DCC: variants seen among roughly 807,000 people sequenced by gnomAD.
DCC encodes netrin receptor DCC.
A neutral mutation model predicts 172.5 loss-of-function variants in DCC; 58 were observed. That is an observed-to-expected ratio of 0.34 (90% CI 0.27 to 0.42). DCC has a LOEUF of 0.42. Ranked by LOEUF, DCC falls within the 10% of genes least tolerant of loss-of-function variation. The probability of loss-of-function intolerance (pLI) is 1.00; values close to 1 mark genes in which losing one functional copy is unlikely to be tolerated. For missense variants in DCC, 1,740 were observed against 1,791.0 expected (o/e 0.97, Z 0.51); for synonymous variants, 709 against 644.5 (o/e 1.10, Z -1.52).
intron 7 of DCC, among the ~76,000 whole-genome samples, chr18:53,137,588 T>C (rs1390404606): frequency 6.6e-6 from 1 of 152,194 alleles, no homozygotes; most frequent in South Asian, 2.1e-4. Context: ...TTTATAAATT[T>C]TGCTATATTG....
chr18:52,352,923 T>C (rs375917872), intron 1 of DCC, among the ~76,000 whole-genome samples: 7 of 152,296 alleles, frequency 4.6e-5, no homozygotes, highest in African/African-American at 1.7e-4. Flanking sequence ...CACCCAGACA[T>C]ACTCAATTAG....
chr18:52,789,064 C>G (rs1197993273), intron 2 of DCC, among the ~76,000 whole-genome samples: 1 of 152,090 alleles, frequency 6.6e-6, no homozygotes, highest in African/African-American at 2.4e-5. Flanking sequence ...CCTTCCGTAA[C>G]TACGATTAGA....
intron 2 of DCC, among the ~76,000 whole-genome samples, chr18:52,802,820 C>T (rs938674341): frequency 6.6e-6 from 1 of 151,346 alleles, no homozygotes; most frequent in Non-Finnish European, 1.5e-5. Flanking sequence ...AAAATCTTAA[C>T]TACTGATAGC....
chr18:52,697,861 G>A (rs565569981), intron 1 of DCC, among the ~76,000 whole-genome samples: 43 of 152,142 alleles, frequency 2.8e-4, no homozygotes, highest in African/African-American at 1.0e-3. Flanking sequence ...ATCTATTTTG[G>A]ATTTAACAGA....
intron 2 of DCC, among the ~76,000 whole-genome samples, chr18:52,824,216 A>G (rs1446201011): frequency 6.6e-6 from 1 of 152,154 alleles, no homozygotes; most frequent in Non-Finnish European, 1.5e-5. Context: ...TTTTTCTTCA[A>G]CTTAGTTCCA....
intron 8 of DCC, 102 bp from the exon 9 acceptor site, chr18:53,178,860 G>A: frequency 1.6e-6 from 2 of 1,227,018 alleles, no homozygotes; most frequent in Non-Finnish European, 2.4e-6. Flanking sequence ...AGATGAGTGA[G>A]CAACCTTTTG....
intron 1 of DCC, among the ~76,000 whole-genome samples, chr18:52,626,627 T>C (rs954307467): frequency 4.6e-5 from 7 of 152,216 alleles, no homozygotes; most frequent in Admixed American, 2.0e-4. Flanking sequence ...ACTCACCTTG[T>C]ACCTTCCCAG....
chr18:52,446,211 G>A (rs1255200084), intron 1 of DCC, among the ~76,000 whole-genome samples: 1 of 152,146 alleles, frequency 6.6e-6, no homozygotes, highest in Non-Finnish European at 1.5e-5. Context: ...GTAAGCCACC[G>A]TGCCCGGCCT....
chr18:52,800,491 C>T (rs2037964068), intron 2 of DCC, among the ~76,000 whole-genome samples: 1 of 152,064 alleles, frequency 6.6e-6, no homozygotes, highest in Non-Finnish European at 1.5e-5. Context: ...GGTATCATTC[C>T]TGGGGTATAT....
At chr18:52,802,790 G>A (rs191139208) in intron 2 of DCC, among the ~76,000 whole-genome samples, 8 of 150,242 alleles carry the variant, frequency 5.3e-5, no homozygotes, top group East Asian at 3.9e-4. Context: ...ACAGACAGGC[G>A]CTACTGTAGC....
chr18:52,957,404 C>T (rs917342394), intron 5 of DCC, among the ~76,000 whole-genome samples: 3 of 151,852 alleles, frequency 2.0e-5, no homozygotes, highest in Admixed American at 1.3e-4. Flanking sequence ...ATAATTTGAG[C>T]TAGTTCTTAA....
intron 7 of DCC, among the ~76,000 whole-genome samples, chr18:53,119,977 C>A (rs1431722351): frequency 1.3e-5 from 2 of 151,770 alleles, no homozygotes; most frequent in East Asian, 3.9e-4. Flanking sequence ...GTTGATAATT[C>A]AACTTTGTCC....
intron 15 of DCC, 111 bp from the exon 16 acceptor site, chr18:53,385,928 TAAAC>T: frequency 1.3e-6 from 1 of 770,088 alleles, no homozygotes; most frequent in Non-Finnish European, 2.3e-6. Context: ...CACTCATTCT[TAAAC>T]AATTTACCAA....
intron 2 of DCC, among the ~76,000 whole-genome samples, chr18:52,807,200 T>A (rs527654505): frequency 2.2e-4 from 33 of 152,136 alleles, no homozygotes; most frequent in Middle Eastern, 3.4e-3. Flanking sequence ...TCAAAAAAAT[T>A]CAGAGTTAAG....
intron 15 of DCC, among the ~76,000 whole-genome samples, chr18:53,349,500 C>T (rs559556321): frequency 2.0e-5 from 3 of 152,286 alleles, no homozygotes; most frequent in East Asian, 1.9e-4. Flanking sequence ...TTTTCAGCAA[C>T]CTCCAACTCC....
At chr18:53,263,147 T>G (rs961336595) in intron 12 of DCC, among the ~76,000 whole-genome samples, 1 of 152,176 alleles carries the variant, frequency 6.6e-6, no homozygotes, top group South Asian at 2.1e-4. Flanking sequence ...TGAATAATTT[T>G]GTTTTGTTTT....
intron 5 of DCC, among the ~76,000 whole-genome samples, chr18:53,006,243 A>G (rs2041643595): frequency 6.6e-6 from 1 of 152,218 alleles, no homozygotes; most frequent in African/African-American, 2.4e-5. Flanking sequence ...TGAACCTGCT[A>G]AAGTGAGATT....
At chr18:52,359,321 G>T (rs1313695184) in intron 1 of DCC, among the ~76,000 whole-genome samples, 2 of 152,148 alleles carry the variant, frequency 1.3e-5, no homozygotes, top group African/African-American at 2.4e-5. Flanking sequence ...AAGTGATGTG[G>T]TACATATTGC....
In DCC at chr18:53,088,641, G is replaced by A. The variant is rs569420979; in HGVS notation, c.1261+22475G>A. ...GAATCCAGTAGCTGTTTTTTTGAAAGGATCAACAGAATTGATAGACCGCTA... is the reference window on the plus strand; with the variant it reads ...GAATCCAGTAGCTGTTTTTTTGAAAAGATCAACAGAATTGATAGACCGCTA... On this transcript the variant is annotated intron_variant, in intron 7 of 28. Coordinates refer to ENST00000442544, the MANE Select transcript of DCC (RefSeq NM_005215.4). Among the ~76,000 whole-genome samples, 23 of 152,098 alleles carry A rather than the reference G, an allele frequency of 1.5e-4. No homozygotes were observed. The East Asian group carries it at 4.4e-3, about 29-fold the overall frequency.
Sources: gnomAD v4.1 joint callset for allele counts (sites outside exome capture counted in the v4.1 genomes callset) on GRCh38, gnomAD v4.1.1 for gene constraint, MANE v1.5 for transcripts, NCBI Gene and HGNC (gene_info 2026-07-23, HGNC 2026-07-21) for gene names.